Variants in MCTP2 observed in about 807,000 individuals in gnomAD.
MCTP2 encodes multiple C2 and transmembrane domain-containing protein 2.
Under a neutral mutation model 111.6 loss-of-function variants are expected in MCTP2, and 132 were observed. The ratio of observed to expected loss-of-function variants is 1.18; its 90% CI spans 1.03 to 1.37. MCTP2 has a LOEUF of 1.37. Among genes scored for constraint, MCTP2 ranks in the 40% most tolerant of loss-of-function variants. MCTP2 has a pLI of 0.00. For missense variants in MCTP2, 1,183 were observed against 1,067.9 expected, an observed-to-expected ratio of 1.11 and a Z score of -1.50; for synonymous variants, 395 against 387.7, an observed-to-expected ratio of 1.02 and a Z score of -0.22.
intron 9 of MCTP2, among the ~76,000 whole-genome samples, chr15:94,357,521 A>G (rs2078691527): frequency 6.6e-6 from 1 of 151,558 alleles, no homozygotes; most frequent in Admixed American, 6.6e-5. Flanking sequence ...ACTGCATTTA[A>G]TTTGTGGTCT....
intron 1 of MCTP2, among the ~76,000 whole-genome samples, chr15:94,261,180 G>T (rs2073157727): frequency 6.6e-6 from 1 of 152,148 alleles, no homozygotes; most frequent in South Asian, 2.1e-4. Flanking sequence ...TTCATGTATT[G>T]ATTGATGTGT....
chr15:94,469,976 G>A (rs1430410326), intron 20 of MCTP2, among the ~76,000 whole-genome samples: 1 of 152,112 alleles, frequency 6.6e-6, no homozygotes, highest in East Asian at 1.9e-4. Context: ...TGTTGAATTA[G>A]AAGTGACCTA....
intron 4 of MCTP2, among the ~76,000 whole-genome samples, chr15:94,337,883 A>G (rs1415446900): frequency 6.6e-6 from 1 of 152,158 alleles, no homozygotes; most frequent in Non-Finnish European, 1.5e-5. Flanking sequence ...TACTTAATCT[A>G]GTAAGGCTTT....
intron 1 of MCTP2, chr15:94,273,812 A>G (rs956051840): frequency 3.7e-5 from 8 of 216,124 alleles, no homozygotes; most frequent in Admixed American, 1.9e-4. Context: ...TGTCCTCTAC[A>G]TTGAGCAGGT....
chr15:94,430,414 CA>C (rs2083116513), intron 17 of MCTP2, among the ~76,000 whole-genome samples: 1 of 146,584 alleles, frequency 6.8e-6, no homozygotes, highest in Non-Finnish European at 1.5e-5. Flanking sequence ...CACACACACA[CA>C]CACACACACA....
chr15:94,275,991 A>G (rs987464468), intron 1 of MCTP2, among the ~76,000 whole-genome samples: 3 of 151,788 alleles, frequency 2.0e-5, no homozygotes, highest in African/African-American at 4.8e-5. Context: ...TGGGACAGGC[A>G]CTTGCCACCA....
intron 2 of MCTP2, among the ~76,000 whole-genome samples, chr15:94,309,588 AT>A (rs1324800925): frequency 6.6e-6 from 1 of 152,208 alleles, no homozygotes; most frequent in Non-Finnish European, 1.5e-5. Context: ...CATTTAGTGT[AT>A]ATTGAAAGGA....
At position 94,403,216 on chromosome 15, in the gene MCTP2, A is replaced by G. The variant is rs1039240038; in HGVS notation, c.2085+1197A>G. 8 of 985,274 alleles carry G rather than the reference A, an allele frequency of 8.1e-6. No individual in the cohort carries two copies. In the African/African-American group the frequency reaches 1.2e-4, roughly 15 times the overall value. 61.0% of individuals were successfully genotyped at this position (985,274 alleles called of 1,614,324 possible). A position where few individuals can be genotyped will look rare whatever the true frequency, so the allele number is the denominator to read the frequency against. On this transcript the variant is annotated intron_variant, in intron 17 of 22. Coordinates refer to ENST00000357742, the MANE Select transcript of MCTP2 (RefSeq NM_001385001.1). ...ACTTTTTCTGCTGTCTGAAGTTGCT[A>G]AAACATTTGGCCTTAATAAAAACAC...
chr15:94,458,718 C>T (rs1414258783), intron 20 of MCTP2, among the ~76,000 whole-genome samples: 1 of 152,088 alleles, frequency 6.6e-6, no homozygotes, highest in Non-Finnish European at 1.5e-5. Flanking sequence ...TAAGTCACCA[C>T]ATATATGGAT....
intron 1 of MCTP2, among the ~76,000 whole-genome samples, chr15:94,246,150 C>T (rs974152817): frequency 6.6e-6 from 1 of 151,992 alleles, no homozygotes; most frequent in African/African-American, 2.4e-5. Flanking sequence ...TGCTGAAGGA[C>T]CCTTTGCAAT....
intron 1 of MCTP2, among the ~76,000 whole-genome samples, chr15:94,233,547 G>A (rs929069467): frequency 2.0e-5 from 3 of 151,934 alleles, no homozygotes; most frequent in Admixed American, 6.6e-5. Context: ...GATGATTAGC[G>A]GTCTCTTGTC....
At chr15:94,233,141 A>G (rs898023727) in intron 1 of MCTP2, among the ~76,000 whole-genome samples, 2 of 152,150 alleles carry the variant, frequency 1.3e-5, no homozygotes, top group Non-Finnish European at 2.9e-5. Flanking sequence ...CATAGATCCT[A>G]TCTCCTGGGG....
intron 1 of MCTP2, among the ~76,000 whole-genome samples, chr15:94,248,764 G>GCA (rs2072197538): frequency 2.0e-5 from 3 of 152,070 alleles, no homozygotes; most frequent in Non-Finnish European, 4.4e-5. Context: ...AACAGACAGT[G>GCA]AGGCTTTGCA....
At chr15:94,267,288 G>A (rs143556894) in intron 1 of MCTP2, among the ~76,000 whole-genome samples, 176 of 152,272 alleles carry the variant, frequency 1.2e-3, no homozygotes, top group African/African-American at 4.1e-3. Flanking sequence ...TTTCCAGAAT[G>A]TCATTAAGAA....
chr15:94,331,374 G>T (rs546605050), intron 4 of MCTP2, among the ~76,000 whole-genome samples: 1 of 152,266 alleles, frequency 6.6e-6, no homozygotes, highest in South Asian at 2.1e-4. Flanking sequence ...ATCTACAAAG[G>T]GGAAGTGTAA....
intron 1 of MCTP2, among the ~76,000 whole-genome samples, chr15:94,252,850 C>A (rs892151681): frequency 7.2e-5 from 11 of 152,008 alleles, no homozygotes; most frequent in African/African-American, 2.7e-4. Flanking sequence ...AATATCTGAA[C>A]CTTATTTACA....
intron 8 of MCTP2, among the ~76,000 whole-genome samples, chr15:94,348,060 G>A (rs753160401): frequency 5.9e-5 from 9 of 151,994 alleles, no homozygotes; most frequent in Non-Finnish European, 1.3e-4. Flanking sequence ...CCTCTCTTTT[G>A]ACCCTCTGTT....
chr15:94,245,161 T>A (rs917090167), intron 1 of MCTP2, among the ~76,000 whole-genome samples: 25 of 148,092 alleles, frequency 1.7e-4, no homozygotes, highest in Admixed American at 4.7e-4. Flanking sequence ...TGTTTGTATA[T>A]TTATACACAT....
At chr15:94,358,415 A>G (rs2078745943) in intron 9 of MCTP2, 67 bp from the exon 10 acceptor site, 2 of 1,426,272 alleles carry the variant, frequency 1.4e-6, no homozygotes, top group Admixed American at 1.9e-5. Context: ...GATGAAATTA[A>G]TGTGTAGCTT....
Sources: allele counts gnomAD v4.1 joint callset (sites outside exome capture counted in the v4.1 genomes callset), GRCh38; gene constraint gnomAD v4.1.1; transcripts MANE v1.5; gene names NCBI Gene and HGNC (gene_info 2026-07-23, HGNC 2026-07-21).